The following CDH13 variants were observed in gnomAD, a reference collection of about 807,000 sequenced individuals.
CDH13 encodes cadherin-13.
A neutral mutation model predicts 63.8 loss-of-function variants in CDH13; 24 were observed. The ratio of observed to expected loss-of-function variants is 0.38; its 90% CI spans 0.27 to 0.53. The LOEUF (loss-of-function observed/expected upper bound fraction) is 0.53. CDH13 is among the 20% of genes least tolerant of loss of function. The pLI is 0.85. For missense variants in CDH13, 1,049 were observed against 903.1 expected (o/e 1.16, Z -2.07); for synonymous variants, 503 against 355.3 (o/e 1.42, Z -4.67).
intron 1 of CDH13, among the ~76,000 whole-genome samples, chr16:82,775,868 T>C (rs2035471689): frequency 3.3e-5 from 5 of 152,146 alleles, no homozygotes. Context: ...TGCATACTGA[T>C]GGCTCTTTTT....
chr16:82,846,454 C>G (rs941604808), intron 1 of CDH13, among the ~76,000 whole-genome samples: 34 of 152,158 alleles, frequency 2.2e-4, no homozygotes, highest in African/African-American at 7.0e-4. Context: ...TTTGTGTTTA[C>G]TCATTGACTC....
intron 1 of CDH13, among the ~76,000 whole-genome samples, chr16:82,808,270 G>T (rs561060598): frequency 3.3e-5 from 5 of 152,148 alleles, no homozygotes; most frequent in Admixed American, 2.6e-4. Context: ...TGTTCTCTTT[G>T]AAATAATGGA....
chr16:83,169,579 A>G (rs2037835860), intron 4 of CDH13, among the ~76,000 whole-genome samples: 1 of 148,842 alleles, frequency 6.7e-6, no homozygotes, highest in Admixed American at 6.7e-5. Flanking sequence ...TTGTTTCTCC[A>G]TGTCTTGGGA....
At chr16:83,138,102 T>C (rs1012767598) in intron 4 of CDH13, among the ~76,000 whole-genome samples, 7 of 152,016 alleles carry the variant, frequency 4.6e-5, no homozygotes, top group African/African-American at 1.7e-4. Flanking sequence ...TCTGTGAGTG[T>C]TGCATTAAAG....
At position 83,052,099 on chromosome 16, in the gene CDH13, C is replaced by G. The variant is rs566981460; in HGVS notation, c.366+19881C>G. ...CAAGCAGCTAACTATATCATGCATTCTCTGCTTACTTCATGAATGATCCGT... is the reference window on the plus strand; with the variant it reads ...CAAGCAGCTAACTATATCATGCATTGTCTGCTTACTTCATGAATGATCCGT... On this transcript the variant is annotated intron_variant, in intron 3 of 13. Coordinates refer to ENST00000567109, the MANE Select transcript of CDH13 (RefSeq NM_001257.5). 1.1e-3 allele frequency among the ~76,000 whole-genome samples: 167 copies of G among 152,238 alleles called. 1 individual carries two copies. The highest frequency in any genetic ancestry group is 3.9e-3 in the African/African-American group (161 of 41,542).
intron 1 of CDH13, among the ~76,000 whole-genome samples, chr16:82,807,661 T>C (rs1426557594): frequency 6.6e-6 from 1 of 152,212 alleles, no homozygotes; most frequent in Non-Finnish European, 1.5e-5. Flanking sequence ...ACCCTTAAGC[T>C]AAAGCCTTTA....
At chr16:83,082,503 G>C (rs1330737394) in intron 3 of CDH13, among the ~76,000 whole-genome samples, 1 of 151,948 alleles carries the variant, frequency 6.6e-6, no homozygotes, top group East Asian at 1.9e-4. Context: ...TGTGGTGGTG[G>C]GTACCTGTAA....
intron 4 of CDH13, among the ~76,000 whole-genome samples, chr16:83,203,239 CAAAA>C (rs1199021673): frequency 6.6e-6 from 1 of 151,910 alleles, no homozygotes; most frequent in African/African-American, 2.4e-5. Flanking sequence ...AACAAACAAA[CAAAA>C]ACACCAAACA....
intron 3 of CDH13, among the ~76,000 whole-genome samples, chr16:83,093,676 AG>A (rs1413749766): frequency 6.6e-6 from 1 of 152,158 alleles, no homozygotes; most frequent in Non-Finnish European, 1.5e-5. Flanking sequence ...ATCAGTTCAA[AG>A]CACATAGTCT....
Position 83,336,962 on chromosome 16 carries a change from A to G in CDH13, c.637-7900A>G, listed in dbSNP as rs539592641. 2.0e-5 allele frequency among the ~76,000 whole-genome samples: 3 copies of G among 152,286 alleles called. No homozygotes were observed. The East Asian group carries it at 5.8e-4, about 29-fold the overall frequency. On this transcript the variant is annotated intron_variant, in intron 5 of 13. Coordinates refer to ENST00000567109, the MANE Select transcript of CDH13 (RefSeq NM_001257.5). ...CCCTTTGGGTAAGATCTCAGTGTCA[A>G]ATTTTGTCGGACTAAATTGTGTCTT... is the stretch of plus-strand genomic sequence containing the variant.
At chr16:83,023,512 G>C (rs912544942) in intron 2 of CDH13, among the ~76,000 whole-genome samples, 1 of 152,202 alleles carries the variant, frequency 6.6e-6, no homozygotes, top group Admixed American at 6.5e-5. Flanking sequence ...CTTTCAGATA[G>C]AGGTTTTGAG....
chr16:83,321,587 G>T (rs112285137), intron 5 of CDH13, among the ~76,000 whole-genome samples: 11,848 of 137,742 alleles, frequency 0.086, 562 homozygotes, highest in Non-Finnish European at 0.11. Context: ...GGAGTGCAGT[G>T]GCGCAATCTT....
chr16:83,338,618 A>G (rs1048543493), intron 5 of CDH13, among the ~76,000 whole-genome samples: 2 of 152,238 alleles, frequency 1.3e-5, no homozygotes, highest in Non-Finnish European at 2.9e-5. Context: ...TAAGCCAGGG[A>G]CACCCTAGCT....
intron 2 of CDH13, among the ~76,000 whole-genome samples, chr16:82,979,029 A>G (rs1364222482): frequency 6.6e-6 from 1 of 152,194 alleles, no homozygotes; most frequent in Non-Finnish European, 1.5e-5. Context: ...CATGCCCTAG[A>G]TGTGAGACAT....
At chr16:82,762,150 A>C (rs1018125386) in intron 1 of CDH13, among the ~76,000 whole-genome samples, 1 of 152,148 alleles carries the variant, frequency 6.6e-6, no homozygotes, top group Admixed American at 6.5e-5. Context: ...TTTTCCCCCA[A>C]GTGACCTGCA....
intron 1 of CDH13, among the ~76,000 whole-genome samples, chr16:82,792,845 A>G (rs1288979589): frequency 6.6e-6 from 1 of 152,242 alleles, no homozygotes; most frequent in African/African-American, 2.4e-5. Context: ...ATTCCAGACT[A>G]CAAAGTGCCA....
chr16:83,781,699 G>A (rs1915534673), intron 12 of CDH13, among the ~76,000 whole-genome samples: 1 of 151,168 alleles, frequency 6.6e-6, no homozygotes, highest in Non-Finnish European at 1.5e-5. Context: ...AGTTTTTATG[G>A]CTATAGCCTA....
At chr16:83,440,175 AG>A (rs1396773192) in intron 6 of CDH13, among the ~76,000 whole-genome samples, 1 of 152,228 alleles carries the variant, frequency 6.6e-6, no homozygotes, top group Non-Finnish European at 1.5e-5. Flanking sequence ...AGTGAAGTAA[AG>A]CTTTTATCAT....
At chr16:83,783,953 T>A (rs867296068) in intron 13 of CDH13, among the ~76,000 whole-genome samples, 52 of 152,360 alleles carry the variant, frequency 3.4e-4, no homozygotes, top group African/African-American at 1.2e-3. Flanking sequence ...CACTGTTTTT[T>A]CACTGGCTAG....
Sources: allele counts gnomAD v4.1 joint callset (sites outside exome capture counted in the v4.1 genomes callset), GRCh38; gene constraint gnomAD v4.1.1; transcripts MANE v1.5; gene names NCBI Gene and HGNC (gene_info 2026-07-23, HGNC 2026-07-21).